UTRN: variants seen among roughly 807,000 people sequenced by gnomAD.
UTRN encodes dystrophin-related protein 1.
Under a neutral mutation model 463.9 loss-of-function variants are expected in UTRN, and 283 were observed. The ratio of observed to expected loss-of-function variants is 0.61; its 90% CI spans 0.55 to 0.67. The LOEUF is 0.67. Among genes scored for constraint, UTRN ranks in the 30% least tolerant of loss-of-function variants. The pLI is 0.00. For missense variants in UTRN, 3,922 were observed against 4,084.3 expected (o/e 0.96, Z 1.08); for synonymous variants, 1,442 against 1,431.5 (o/e 1.01, Z -0.17).
At chr6:144,662,456 TAG>T (rs1562726081) in intron 51 of UTRN, among the ~76,000 whole-genome samples, 1 of 152,116 alleles carries the variant, frequency 6.6e-6, no homozygotes, top group Non-Finnish European at 1.5e-5. Flanking sequence ...CACGCAGAGG[TAG>T]AGTCCCTTTA....
intron 9 of UTRN, among the ~76,000 whole-genome samples, chr6:144,431,618 T>C (rs570313300): frequency 1.6e-4 from 24 of 152,304 alleles, no homozygotes; most frequent in African/African-American, 5.3e-4. Context: ...CGTCTGAACA[T>C]TTGTGTTTAG....
chr6:144,561,246 TATATATATATATATACATAC>T (rs1471407604), intron 50 of UTRN, among the ~76,000 whole-genome samples: 8 of 76,624 alleles, frequency 1.0e-4, no homozygotes, highest in African/African-American at 4.0e-4. Context: ...TATATATATA[TATATATATATATATACATAC>T]ACACACACAC....
At chr6:144,360,109 C>CCCCT (rs1778942948) in intron 2 of UTRN, among the ~76,000 whole-genome samples, 2 of 100,626 alleles carry the variant, frequency 2.0e-5, no homozygotes, top group Non-Finnish European at 3.4e-5. Context: ...CCCCTCCCCT[C>CCCCT]CCCCCTTCCT....
chr6:144,809,451 C>T (rs1320889111), intron 65 of UTRN, among the ~76,000 whole-genome samples: 1 of 152,036 alleles, frequency 6.6e-6, no homozygotes, highest in Non-Finnish European at 1.5e-5. Flanking sequence ...TTTGAGGTAT[C>T]CTCATGCTGA....
chr6:144,397,222 C>A (rs1333678082), intron 2 of UTRN, among the ~76,000 whole-genome samples: 1 of 151,484 alleles, frequency 6.6e-6, no homozygotes, highest in Non-Finnish European at 1.5e-5. Context: ...CCAGCCTGGG[C>A]AATAAGAGCG....
chr6:144,774,440 A>AAAG, intron 60 of UTRN, 76 bp downstream of exon 60: 1 of 1,336,062 alleles, frequency 7.5e-7, no homozygotes. Context: ...AAGATAAATG[A>AAAG]AGAGGATGGA....
In UTRN at chr6:144,751,842, G is replaced by T; in HGVS notation, c.8245G>T (p.Val2749Phe). The stretch of plus-strand genomic sequence containing the variant: ...AGAAATTGCACCAATCAACTTTAAA[G>T]TTAAAACGGTGAATGATTTATCCAG... ...REEIAPINFK[V>F]KTVNDLSSQL... Residue 2749 changes from valine to phenylalanine, a missense_variant, in exon 56 of 75, where the codon GTT (valine) becomes TTT (phenylalanine). Transcript: ENST00000367545. The T allele has an allele frequency of 1.2e-6, 2 of 1,611,276 alleles. No individual in the cohort carries two copies. The highest frequency in any genetic ancestry group is 1.1e-5 in the South Asian group (1 of 90,608).
chr6:144,634,703 T>A (rs1776916004), intron 51 of UTRN, among the ~76,000 whole-genome samples: 1 of 152,220 alleles, frequency 6.6e-6, no homozygotes, highest in South Asian at 2.1e-4. Flanking sequence ...CCCTAGCTGC[T>A]GGAAACCTTG....
At chr6:144,497,239 G>A (rs1793737324) in intron 33 of UTRN, among the ~76,000 whole-genome samples, 1 of 152,126 alleles carries the variant, frequency 6.6e-6, no homozygotes, top group Admixed American at 6.5e-5. Context: ...GATGGAGAGT[G>A]GAGATGGAGT....
chr6:144,447,067 C>CA (rs1158283457), intron 14 of UTRN, 144 bp from the exon 15 acceptor site: 12 of 645,266 alleles, frequency 1.9e-5, no homozygotes, highest in Non-Finnish European at 3.0e-5. Flanking sequence ...ATTTGTGCCT[C>CA]AGACTTAGGT....
chr6:144,322,816 T>G (rs6570619), intron 2 of UTRN, among the ~76,000 whole-genome samples: 20,679 of 151,650 alleles, frequency 0.14, 4,145 homozygotes, highest in African/African-American at 0.43. Context: ...GGTGGCGGGC[T>G]CCTGTAGTCC....
intron 14 of UTRN, among the ~76,000 whole-genome samples, chr6:144,445,956 G>A (rs1296214984): frequency 6.6e-6 from 1 of 152,034 alleles, no homozygotes; most frequent in Non-Finnish European, 1.5e-5. Flanking sequence ...TTGAACCCAG[G>A]AAGCAGAGGT....
chr6:144,654,473 G>A (rs1010274634), intron 51 of UTRN, among the ~76,000 whole-genome samples: 1 of 152,156 alleles, frequency 6.6e-6, no homozygotes, highest in African/African-American at 2.4e-5. Context: ...GACTGAAAAC[G>A]GCGCTTTCAA....
intron 2 of UTRN, chr6:144,398,390 C>T (rs1782644935): frequency 2.7e-6 from 1 of 377,064 alleles, no homozygotes; most frequent in Middle Eastern, 4.1e-4. Flanking sequence ...CACTGGGCAT[C>T]TGGCTGGGAT....
intron 57 of UTRN, among the ~76,000 whole-genome samples, chr6:144,755,844 G>A (rs1055609595): frequency 6.6e-6 from 1 of 151,930 alleles, no homozygotes; most frequent in African/African-American, 2.4e-5. Flanking sequence ...TCCTCTTAAT[G>A]TTTTTGTCAC....
intron 2 of UTRN, among the ~76,000 whole-genome samples, chr6:144,355,235 A>C (rs1417352338): frequency 6.6e-6 from 1 of 152,120 alleles, no homozygotes; most frequent in Non-Finnish European, 1.5e-5. Flanking sequence ...TTTTTGAGAC[A>C]GAGTCTCTGT....
At chr6:144,819,911 C>CCTCCTCT (rs11397588) in intron 65 of UTRN, among the ~76,000 whole-genome samples, 2,411 of 118,196 alleles carry the variant, frequency 0.02, 95 homozygotes, top group African/African-American at 0.086. Context: ...TCCTCCTCCT[C>CCTCCTCT]CTCTCTCTCT....
At chr6:144,455,694 C>T (rs1002179077) in intron 19 of UTRN, among the ~76,000 whole-genome samples, 1 of 152,110 alleles carries the variant, frequency 6.6e-6, no homozygotes, top group Non-Finnish European at 1.5e-5. Context: ...ATTCTCCTGT[C>T]CTTTTCTAGT....
intron 53 of UTRN, among the ~76,000 whole-genome samples, chr6:144,712,804 A>AGCAAGATGCTTTTGAGCT (rs1173626834): frequency 6.6e-6 from 1 of 152,218 alleles, no homozygotes; most frequent in African/African-American, 2.4e-5. Flanking sequence ...GGCTCCACAG[A>AGCAAGATGCTTTTGAGCT]GCAAGATGCT....
Sources: allele counts gnomAD v4.1 joint callset (sites outside exome capture counted in the v4.1 genomes callset), GRCh38; gene constraint gnomAD v4.1.1; transcripts MANE v1.5; gene names NCBI Gene and HGNC (gene_info 2026-07-23, HGNC 2026-07-21).